The following RGS6 variants were observed in gnomAD, a reference collection of about 807,000 sequenced individuals.
The protein encoded by RGS6 is regulator of G-protein signaling 6.
In RGS6, 30 loss-of-function variants were observed where a neutral mutation model predicts 78.5. The observed-to-expected ratio is 0.38, with a 90% CI of 0.29 to 0.52. RGS6 has a LOEUF of 0.52. RGS6 is among the 20% of genes least tolerant of loss of function. The probability of loss-of-function intolerance (pLI) is 0.85; values close to 1 mark genes in which losing one functional copy is unlikely to be tolerated. For missense variants in RGS6, 495 were observed against 609.7 expected, an observed-to-expected ratio of 0.81 and a Z score of 1.98; for synonymous variants, 206 against 206.0, an observed-to-expected ratio of 1.00 and a Z score of 0.00.
chr14:72,620,216 G>C, the RGS6 span, among the ~76,000 whole-genome samples: 39,570 of 151,974 alleles, frequency 0.26, 6,945 homozygotes, highest in Non-Finnish European at 0.37. Flanking sequence ...TTAGGGTTCT[G>C]CTCAACTCGT....
At chr14:71,992,542 G>C (rs1245603461) in intron 2 of RGS6, among the ~76,000 whole-genome samples, 3 of 152,126 alleles carry the variant, frequency 2.0e-5, no homozygotes, top group African/African-American at 7.2e-5. Context: ...GAGGGAACTC[G>C]GATAAAGAAC....
intron 2 of RGS6, among the ~76,000 whole-genome samples, chr14:72,077,586 G>A (rs1332394776): frequency 1.3e-5 from 2 of 151,992 alleles, no homozygotes; most frequent in Non-Finnish European, 2.9e-5. Context: ...TGCCTAATTT[G>A]TTCTATTTTG....
At chr14:72,561,510 T>C (rs2153555056) in intron 17 of RGS6, among the ~76,000 whole-genome samples, 1 of 152,272 alleles carries the variant, frequency 6.6e-6, no homozygotes, top group African/African-American at 2.4e-5. Flanking sequence ...GTAAGGGCAA[T>C]AAGCAAAGCG....
intron 15 of RGS6, among the ~76,000 whole-genome samples, chr14:72,525,282 C>T (rs568320116): frequency 2.7e-4 from 41 of 152,234 alleles, no homozygotes. Flanking sequence ...TACAATGTGC[C>T]GATTCAGCAA....
At chr14:72,146,536 TAAAC>T (rs1272646617) in intron 2 of RGS6, among the ~76,000 whole-genome samples, 2 of 152,184 alleles carry the variant, frequency 1.3e-5, no homozygotes, top group African/African-American at 4.8e-5. Flanking sequence ...CCTGTGAAAT[TAAAC>T]AATTTATCTA....
intron 2 of RGS6, among the ~76,000 whole-genome samples, chr14:72,085,125 G>A (rs2094975069): frequency 6.6e-6 from 1 of 152,186 alleles, no homozygotes; most frequent in Admixed American, 6.5e-5. Flanking sequence ...TACTCCATAT[G>A]TGTAGAATTA....
At chr14:71,990,501 C>G (rs1476745) in intron 2 of RGS6, 147,547 of 418,322 alleles carry the variant, frequency 0.35, 27,323 homozygotes, top group Admixed American at 0.42. Context: ...CTGCTCACAG[C>G]TGCACAGGGA....
At chr14:71,906,919 G>A in the RGS6 span, among the ~76,000 whole-genome samples, 2 of 152,178 alleles carry the variant, frequency 1.3e-5, no homozygotes, top group South Asian at 2.1e-4. Flanking sequence ...GTAAGGGATG[G>A]GAAACAAGGA....
intron 2 of RGS6, among the ~76,000 whole-genome samples, chr14:72,303,509 A>G (rs545846498): frequency 1.3e-5 from 2 of 152,334 alleles, no homozygotes; most frequent in African/African-American, 2.4e-5. Context: ...AAAGCAAAAC[A>G]AAAACAAACA....
intron 2 of RGS6, among the ~76,000 whole-genome samples, chr14:72,020,971 G>A (rs1225102590): frequency 6.6e-6 from 1 of 152,200 alleles, no homozygotes; most frequent in East Asian, 1.9e-4. Context: ...TTTGAGAAGA[G>A]CACTTCTCCA....
intron 2 of RGS6, among the ~76,000 whole-genome samples, chr14:72,289,340 TCTCTCTCTCA>T (rs1431428161): frequency 6.6e-6 from 1 of 151,908 alleles, no homozygotes; most frequent in African/African-American, 2.4e-5. Context: ...TCTCTCTCTC[TCTCTCTCTCA>T]CTCTCTCTCC....
At chr14:72,389,433 G>A (rs1471260524) in intron 3 of RGS6, among the ~76,000 whole-genome samples, 1 of 152,152 alleles carries the variant, frequency 6.6e-6, no homozygotes, top group Non-Finnish European at 1.5e-5. Flanking sequence ...TCCCTTGGGG[G>A]TAGGCCAGGA....
At chr14:72,367,801 G>T (rs925144030) in intron 3 of RGS6, among the ~76,000 whole-genome samples, 1 of 152,156 alleles carries the variant, frequency 6.6e-6, no homozygotes. Flanking sequence ...ACCTGGGTTG[G>T]TCACTGTGTG....
intron 2 of RGS6, among the ~76,000 whole-genome samples, chr14:72,331,618 C>CCT (rs149801430): frequency 8.7e-4 from 131 of 150,202 alleles, no homozygotes; most frequent in Non-Finnish European, 1.5e-3. Context: ...GTGTCATCAT[C>CCT]CTCTCTCTCT....
At chr14:72,390,916 T>C (rs894146711) in intron 3 of RGS6, among the ~76,000 whole-genome samples, 1 of 152,206 alleles carries the variant, frequency 6.6e-6, no homozygotes, top group African/African-American at 2.4e-5. Flanking sequence ...CGTAAGTTTC[T>C]GGCTTCTTCC....
intron 2 of RGS6, among the ~76,000 whole-genome samples, chr14:71,993,431 A>T (rs1384479375): frequency 6.6e-6 from 1 of 152,202 alleles, no homozygotes; most frequent in Non-Finnish European, 1.5e-5. Flanking sequence ...AATGAAATGA[A>T]TAGTTACTAT....
chr14:71,950,717 G>A (rs1163191900), intron 1 of RGS6, among the ~76,000 whole-genome samples: 2 of 151,754 alleles, frequency 1.3e-5, no homozygotes, highest in African/African-American at 2.4e-5. Flanking sequence ...AAATTTATGA[G>A]CAAAAAACAA....
chr14:72,142,488 G>A (rs564856024), intron 2 of RGS6, among the ~76,000 whole-genome samples: 1 of 152,290 alleles, frequency 6.6e-6, no homozygotes, highest in East Asian at 1.9e-4. Flanking sequence ...CTCAGAGGAA[G>A]TCCCAAGGGG....
At chr14:72,511,148 T>C (rs1219391225) in intron 14 of RGS6, among the ~76,000 whole-genome samples, 3 of 152,240 alleles carry the variant, frequency 2.0e-5, no homozygotes, top group Admixed American at 6.5e-5. Flanking sequence ...TGGTGACTTT[T>C]TAATGGGTAA....
Sources: allele counts gnomAD v4.1 joint callset (sites outside exome capture counted in the v4.1 genomes callset), GRCh38; gene constraint gnomAD v4.1.1; transcripts MANE v1.5; gene names NCBI Gene and HGNC (gene_info 2026-07-23, HGNC 2026-07-21).